Variants in PRTFDC1 observed in about 807,000 individuals in gnomAD.
PRTFDC1 encodes the protein phosphoribosyltransferase domain-containing protein 1.
A neutral mutation model predicts 34.6 loss-of-function variants in PRTFDC1; 38 were observed. The observed-to-expected ratio is 1.10, with a 90% CI of 0.85 to 1.44. PRTFDC1 has a LOEUF of 1.44. PRTFDC1 is among the 40% of genes most tolerant of loss of function. The pLI, the probability that PRTFDC1 is intolerant of heterozygous loss-of-function variation, is 0.00. For missense variants in PRTFDC1, 270 were observed against 283.0 expected (o/e 0.95, Z 0.33); for synonymous variants, 93 against 98.1 (o/e 0.95, Z 0.31).
Position 24,866,714 on chromosome 10 carries a change from C to T in PRTFDC1, c.405+5284G>A, listed in dbSNP as rs543770567. ...TTAATCATTGAGGGCTCACTTTATT[C>T]AACAGCAATGACCTATTTAGAACCA... On this transcript the variant is annotated intron_variant, in intron 4 of 8. Coordinates refer to ENST00000320152, the MANE Select transcript of PRTFDC1 (RefSeq NM_020200.7). Among the ~76,000 whole-genome samples the T allele has an allele frequency of 5.9e-4, 90 of 152,016 alleles. 1 individual carries two copies. The highest frequency in any genetic ancestry group is 2.1e-3 in the African/African-American group (88 of 41,432).
At chr10:24,908,921 C>T in intron 3 of PRTFDC1, 2 of 518,594 alleles carry the variant, frequency 3.9e-6, no homozygotes, top group Non-Finnish European at 3.2e-6. Context: ...TGTAAAGTCT[C>T]ATCCTAGGAA....
intron 3 of PRTFDC1, among the ~76,000 whole-genome samples, chr10:24,897,637 G>C (rs779095907): frequency 6.6e-6 from 1 of 152,204 alleles, no homozygotes; most frequent in Non-Finnish European, 1.5e-5. Flanking sequence ...AAGCATAACT[G>C]TTTTTCCCAA....
At chr10:24,855,980 G>T (rs1034189549) in intron 6 of PRTFDC1, among the ~76,000 whole-genome samples, 1 of 151,296 alleles carries the variant, frequency 6.6e-6, no homozygotes, top group African/African-American at 2.4e-5. Context: ...TGGGCATGGT[G>T]GTACGTGTCT....
At chr10:24,891,608 C>T (rs1383622722) in intron 3 of PRTFDC1, among the ~76,000 whole-genome samples, 1 of 144,004 alleles carries the variant, frequency 6.9e-6, no homozygotes, top group Non-Finnish European at 1.5e-5. Context: ...GCCAAGGCAA[C>T]ATGAAACCCA....
At chr10:24,868,887 A>T (rs1847830896) in intron 4 of PRTFDC1, among the ~76,000 whole-genome samples, 1 of 151,490 alleles carries the variant, frequency 6.6e-6, no homozygotes, top group African/African-American at 2.4e-5. Flanking sequence ...GCCAATCCTT[A>T]TTTTTTAAAT....
At chr10:24,852,086 G>A (rs1847500840) in intron 7 of PRTFDC1, among the ~76,000 whole-genome samples, 1 of 152,104 alleles carries the variant, frequency 6.6e-6, no homozygotes, top group South Asian at 2.1e-4. Flanking sequence ...TCCCTACTGA[G>A]GGCAGAATGA....
chr10:24,874,406 C>CACAGGAAGA (rs1406757851), intron 3 of PRTFDC1, among the ~76,000 whole-genome samples: 2 of 152,054 alleles, frequency 1.3e-5, no homozygotes, highest in African/African-American at 4.8e-5. Flanking sequence ...GAGGAATTAA[C>CACAGGAAGA]ACAGGAAGAA....
At chr10:24,876,586 C>T (rs1042247599) in intron 3 of PRTFDC1, among the ~76,000 whole-genome samples, 12 of 151,192 alleles carry the variant, frequency 7.9e-5, no homozygotes, top group African/African-American at 2.2e-4. Flanking sequence ...CCCAGCTACT[C>T]GGGAGGCTGA....
intron 2 of PRTFDC1, among the ~76,000 whole-genome samples, chr10:24,939,353 AAAC>A (rs376118792): frequency 7.0e-4 from 106 of 152,100 alleles, no homozygotes; most frequent in Middle Eastern, 3.4e-3. Context: ...ACAAAAAAGG[AAAC>A]AACAACAGCA....
intron 4 of PRTFDC1, among the ~76,000 whole-genome samples, chr10:24,865,271 T>A (rs1847756165): frequency 6.6e-6 from 1 of 152,210 alleles, no homozygotes; most frequent in Non-Finnish European, 1.5e-5. Context: ...CCCCTCCATT[T>A]TTCCTTAACA....
At chr10:24,875,569 T>G (rs1847948704) in intron 3 of PRTFDC1, among the ~76,000 whole-genome samples, 1 of 152,186 alleles carries the variant, frequency 6.6e-6, no homozygotes, top group Non-Finnish European at 1.5e-5. Context: ...TATATACATG[T>G]TTTTAATACT....
At chr10:24,851,361 G>A (rs777497848) in intron 8 of PRTFDC1, 27 bp downstream of exon 8, 33 of 1,590,680 alleles carry the variant, frequency 2.1e-5, no homozygotes, top group Admixed American at 1.3e-4. Flanking sequence ...TAAAAAGGGC[G>A]GTTAGGGATT....
rs1849069236 is a variant in PRTFDC1 at position 24,937,361 on chromosome 10, C to T, written c.162G>A (p.Glu54=). 6.2e-7 allele frequency: 1 copy of T among 1,606,150 alleles called. No individual in the cohort carries two copies. The highest frequency in any genetic ancestry group is 8.5e-7 in the Non-Finnish European group (1 of 1,177,686). The part of the protein sequence containing the change: ...IPHGIIVDRI[E]RLAKDIMKDI... ...CTTTCATAATATCCTTGGCCAGCCG[C>T]TCAATTCTGAAAGAAGGATAAAAGA... The change falls in exon 3 of 9, where the codon GAG becomes GAA. Residue 54 remains glutamate, a synonymous_variant. Coordinates refer to ENST00000320152, the MANE Select transcript of PRTFDC1 (RefSeq NM_020200.7).
intron 3 of PRTFDC1, among the ~76,000 whole-genome samples, chr10:24,887,270 G>A (rs551800413): frequency 1.3e-5 from 2 of 152,216 alleles, no homozygotes; most frequent in Non-Finnish European, 2.9e-5. Context: ...GCGCCCGGCC[G>A]TTAATACTCC....
intron 3 of PRTFDC1, among the ~76,000 whole-genome samples, chr10:24,905,617 A>C (rs1178127620): frequency 6.6e-6 from 1 of 151,884 alleles, no homozygotes; most frequent in Admixed American, 6.6e-5. Context: ...CAAGCCAAGA[A>C]ATTTTTTAAA....
chr10:24,904,072 C>G lies in PRTFDC1; in HGVS notation c.340-32009G>C, dbSNP rs141510095. Among the ~76,000 whole-genome samples, 391 of 152,154 alleles carry G rather than the reference C, an allele frequency of 2.6e-3. 3 individuals carry two copies. Among genetic ancestry groups the G allele is most frequent in the South Asian group, 0.012 (60 of 4,808 alleles). Reference sequence around the variant, plus strand: ...TATTCCTTCTTGGCCTTGTTCTATTCTTTCTAAACTGTAAACTGAAAATTT... The same window carrying G: ...TATTCCTTCTTGGCCTTGTTCTATTGTTTCTAAACTGTAAACTGAAAATTT... On this transcript the variant is annotated intron_variant, in intron 3 of 8. Coordinates refer to ENST00000320152, the MANE Select transcript of PRTFDC1 (RefSeq NM_020200.7).
chr10:24,875,377 C>T (rs1847945187), intron 3 of PRTFDC1, among the ~76,000 whole-genome samples: 2 of 152,140 alleles, frequency 1.3e-5, no homozygotes, highest in African/African-American at 4.8e-5. Flanking sequence ...TGTAACTTTG[C>T]ACCCACTGAC....
At chr10:24,944,936 T>C (rs551537531) in intron 1 of PRTFDC1, among the ~76,000 whole-genome samples, 1 of 152,264 alleles carries the variant, frequency 6.6e-6, no homozygotes, top group African/African-American at 2.4e-5. Flanking sequence ...CCTGGCACTC[T>C]TCCTCTTCCC....
intron 2 of PRTFDC1, among the ~76,000 whole-genome samples, chr10:24,938,145 G>A (rs911064458): frequency 6.6e-6 from 1 of 151,514 alleles, no homozygotes; most frequent in African/African-American, 2.4e-5. Flanking sequence ...AGAATCCCTT[G>A]AACCAAGGAG....
Sources: allele counts gnomAD v4.1 joint callset (sites outside exome capture counted in the v4.1 genomes callset), GRCh38; gene constraint gnomAD v4.1.1; transcripts MANE v1.5; gene names NCBI Gene and HGNC (gene_info 2026-07-23, HGNC 2026-07-21).